Variants in CEP89 observed in about 807,000 individuals in gnomAD.
CEP89 encodes centrosomal protein of 89 kDa.
In CEP89, 95 loss-of-function variants were observed where a neutral mutation model predicts 97.6. The ratio of observed to expected loss-of-function variants is 0.97; its 90% CI spans 0.82 to 1.15. The LOEUF (loss-of-function observed/expected upper bound fraction) is 1.15, where lower values mean the gene tolerates loss of function less well. CEP89 is among the 50% of genes most tolerant of loss of function. The probability of loss-of-function intolerance (pLI) is 0.00; values close to 1 mark genes in which losing one functional copy is unlikely to be tolerated. For synonymous variants in CEP89, 354 were observed against 349.1 expected (o/e 1.01, Z -0.16); for missense variants, 869 against 947.7 (o/e 0.92, Z 1.09).
chr19:32,913,511 A>G (rs1207744881), intron 14 of CEP89, among the ~76,000 whole-genome samples: 1 of 152,058 alleles, frequency 6.6e-6, no homozygotes, highest in Non-Finnish European at 1.5e-5. Context: ...CATACATACT[A>G]GAATGATCAA....
intron 12 of CEP89, among the ~76,000 whole-genome samples, chr19:32,919,179 C>T (rs1001271301): frequency 6.6e-6 from 1 of 152,140 alleles, no homozygotes; most frequent in African/African-American, 2.4e-5. Context: ...GCCACCGCGT[C>T]CAGCCGAAAT....
intron 10 of CEP89, 78 bp from the exon 11 acceptor site, chr19:32,926,351 G>A: frequency 9.9e-7 from 1 of 1,014,382 alleles, no homozygotes; most frequent in Non-Finnish European, 1.5e-6. Context: ...ATGGCAAGAA[G>A]TTATACTTTT....
At chr19:32,970,354 G>C (rs1021596231) in intron 1 of CEP89, 1 of 152,102 alleles carries the variant, frequency 6.6e-6, no homozygotes, top group Admixed American at 6.6e-5. Context: ...TTAATGTTTG[G>C]GGCTTTAAAT....
rs1280056860 is a variant in CEP89, at chr19:32,881,841, C to G, written c.2135+3G>C. ...GGGCCATGGCGCAGGGCGCATGCCCCACCTGTTCTGCTGCAGCGCCTGGTC... is the reference window on the plus strand; with the variant it reads ...GGGCCATGGCGCAGGGCGCATGCCCGACCTGTTCTGCTGCAGCGCCTGGTC... On this transcript the variant is annotated splice_donor_region_variant and intron_variant, in intron 18 of 18. Coordinates refer to ENST00000305768, the MANE Select transcript of CEP89 (RefSeq NM_032816.5). The G allele has an allele frequency of 4.4e-6, 7 of 1,599,290 alleles. No individual in the cohort carries two copies. The highest frequency in any genetic ancestry group is 5.9e-6 in the Non-Finnish European group (7 of 1,177,770).
chr19:32,909,899 C>A (rs1286720843), intron 14 of CEP89, among the ~76,000 whole-genome samples: 1 of 152,008 alleles, frequency 6.6e-6, no homozygotes, highest in African/African-American at 2.4e-5. Context: ...GCAGAGGTAC[C>A]CACTGCAGCG....
At chr19:32,966,764 C>G (rs561661583) in intron 1 of CEP89, among the ~76,000 whole-genome samples, 157 of 152,312 alleles carry the variant, frequency 1.0e-3, no homozygotes, top group Non-Finnish European at 1.9e-3. Context: ...TCCCACAGCA[C>G]TCCCCCCAGT....
chr19:32,964,290 G>A (rs1971236489), intron 2 of CEP89, among the ~76,000 whole-genome samples: 2 of 152,016 alleles, frequency 1.3e-5, no homozygotes, highest in South Asian at 4.1e-4. Flanking sequence ...TCGTGCCTCA[G>A]CCTCCCCAGT....
intron 7 of CEP89, 38 bp from the exon 8 acceptor site, chr19:32,933,707 G>C: frequency 7.8e-7 from 1 of 1,278,520 alleles, no homozygotes; most frequent in Non-Finnish European, 1.1e-6. Context: ...AATGTTAATT[G>C]ATGTTGACAA....
chr19:32,944,241 T>TAAAAAAAAAA (rs1394433117), intron 5 of CEP89, among the ~76,000 whole-genome samples: 19 of 49,476 alleles, frequency 3.8e-4, no homozygotes, highest in South Asian at 1.9e-3. Context: ...AAAAAAAGAC[T>TAAAAAAAAAA]CTTCTTCTGA....
chr19:32,966,408 G>A lies in CEP89; in HGVS notation c.98C>T (p.Pro33Leu), dbSNP rs1358071100. 1.7e-5 allele frequency: 27 copies of A among 1,562,542 alleles called. No individual in the cohort carries two copies. The highest frequency in any genetic ancestry group is 2.2e-5 in the Non-Finnish European group (25 of 1,151,836). The change falls in exon 2 of 19, where the codon CCA becomes CTA. Residue 33 changes from proline to leucine, a missense_variant. By Grantham distance (98) the Pro-to-Leu change is moderately conservative. Coordinates refer to ENST00000305768, the MANE Select transcript of CEP89 (RefSeq NM_032816.5). ...AASVAPKAAV[P>L]RTPPPRSPNP... is the part of the protein sequence containing the mutation. ...GGGGCTGCGGGGAGGAGGTGTGCGTGGCACAGCTGCCTTCGGAGCAACGCT... is the reference window on the plus strand; with the variant it reads ...GGGGCTGCGGGGAGGAGGTGTGCGTAGCACAGCTGCCTTCGGAGCAACGCT...
intron 5 of CEP89, among the ~76,000 whole-genome samples, chr19:32,944,220 T>TAAAAAAA (rs750448528): frequency 1.6e-4 from 10 of 62,416 alleles, no homozygotes; most frequent in South Asian, 1.4e-3. Context: ...TGAGACCCTG[T>TAAAAAAA]AAAAAAAAAA....
intron 16 of CEP89, among the ~76,000 whole-genome samples, chr19:32,897,732 T>C (rs1969673535): frequency 1.3e-5 from 2 of 152,098 alleles, no homozygotes; most frequent in South Asian, 4.2e-4. Context: ...TGGCTAAGTT[T>C]TTCGTTATTT....
At chr19:32,915,731 CAAGTTGGTGA>C (rs1970112092) in intron 13 of CEP89, among the ~76,000 whole-genome samples, 1 of 150,378 alleles carries the variant, frequency 6.6e-6, no homozygotes, top group Non-Finnish European at 1.5e-5. Flanking sequence ...CCAGCCTGGC[CAAGTTGGTGA>C]AACCCTGTCT....
intron 4 of CEP89, among the ~76,000 whole-genome samples, chr19:32,952,244 C>G (rs1196979247): frequency 1.3e-5 from 2 of 151,798 alleles, no homozygotes; most frequent in African/African-American, 2.4e-5. Context: ...ACTTTGGGAG[C>G]CCGAAGCAAG....
intron 16 of CEP89, among the ~76,000 whole-genome samples, chr19:32,893,327 G>C (rs2145878813): frequency 6.6e-6 from 1 of 152,278 alleles, no homozygotes; most frequent in African/African-American, 2.4e-5. Flanking sequence ...AATTCAATAA[G>C]AGGACATATA....
chr19:32,882,027 G>C lies in CEP89; in HGVS notation c.1966-14C>G. The C allele has an allele frequency of 6.4e-7, 1 of 1,554,510 alleles. No homozygotes were observed. The highest frequency in any genetic ancestry group is 8.7e-7 in the Non-Finnish European group (1 of 1,149,564). Reference sequence around the variant, plus strand: ...CTTCTTGTAGCCCTGGTCGGGGGAAGGACTCTGTGAATGAGGGGACGCTGC... The same window carrying C: ...CTTCTTGTAGCCCTGGTCGGGGGAACGACTCTGTGAATGAGGGGACGCTGC... On this transcript the variant is annotated splice_polypyrimidine_tract_variant and intron_variant, in intron 17 of 18. Transcript: ENST00000305768.
rs1400809477 is a variant in CEP89, at chr19:32,971,914, T to C, written c.-40A>G. On this transcript the variant is annotated 5_prime_UTR_variant, in exon 1 of 19. The change abolishes an upstream ATG in the 5' untranslated region. Coordinates refer to ENST00000305768, the MANE Select transcript of CEP89 (RefSeq NM_032816.5). ...GAGAATGGACCGGGGCCTGGACTCA[T>C]CAGCAGATCTATCCACAGCCAGGGA... 4 of 1,568,254 alleles carry C rather than the reference T, an allele frequency of 2.6e-6. No homozygotes were observed. The highest frequency in any genetic ancestry group is 2.4e-5 in the East Asian group (1 of 41,802).
chr19:32,894,889 T>C (rs770825172), intron 16 of CEP89, among the ~76,000 whole-genome samples: 4 of 152,180 alleles, frequency 2.6e-5, no homozygotes, highest in Admixed American at 6.5e-5. Flanking sequence ...GTCAAGAACC[T>C]GAACTGGCCC....
intron 1 of CEP89, among the ~76,000 whole-genome samples, chr19:32,968,454 G>A (rs764066399): frequency 2.6e-5 from 4 of 152,132 alleles, no homozygotes; most frequent in Non-Finnish European, 4.4e-5. Flanking sequence ...TACCATGTTG[G>A]CCAGGGTGGT....
Sources: gnomAD v4.1 joint callset for allele counts (sites outside exome capture counted in the v4.1 genomes callset) on GRCh38, gnomAD v4.1.1 for gene constraint, MANE v1.5 for transcripts, NCBI Gene and HGNC (gene_info 2026-07-23, HGNC 2026-07-21) for gene names.